Variants in PPIL6 observed in about 807,000 individuals in gnomAD.
The protein encoded by PPIL6 is probable inactive peptidyl-prolyl cis-trans isomerase-like 6.
PPIL6 carries 39 observed loss-of-function variants against 36.8 expected under a neutral mutation model. That is an observed-to-expected ratio of 1.06 (90% CI 0.82 to 1.38). PPIL6 has a LOEUF of 1.38. Among genes scored for constraint, PPIL6 ranks in the 40% most tolerant of loss-of-function variants. The pLI is 0.00. For missense variants in PPIL6, 368 were observed against 379.1 expected (o/e 0.97, Z 0.24); for synonymous variants, 123 against 134.1 (o/e 0.92, Z 0.57).
intron 1 of PPIL6, 108 bp from the exon 2 acceptor site, chr6:109,436,307 C>T: frequency 3.0e-6 from 2 of 658,458 alleles, no homozygotes; most frequent in East Asian, 2.7e-5. Context: ...AACACAAGCC[C>T]AGGCCATGCA....
chr6:109,421,522 A>G (rs1773537074), intron 5 of PPIL6, among the ~76,000 whole-genome samples: 1 of 152,258 alleles, frequency 6.6e-6, no homozygotes, highest in South Asian at 2.1e-4. Context: ...ATGCCCATGC[A>G]GCATCACATG....
intron 6 of PPIL6, among the ~76,000 whole-genome samples, chr6:109,401,728 C>CTT (rs11397016): frequency 1.3e-3 from 190 of 146,016 alleles, no homozygotes; most frequent in Middle Eastern, 3.5e-3. Context: ...GAGAGTTTTT[C>CTT]TTTTTTTTTT....
chr6:109,412,071 A>G (rs1582550217), intron 6 of PPIL6, among the ~76,000 whole-genome samples: 2 of 152,368 alleles, frequency 1.3e-5, no homozygotes, highest in East Asian at 3.9e-4. Flanking sequence ...AGACCTGTCC[A>G]TCAATGTGCC....
At position 109,392,720 on chromosome 6, in the gene PPIL6, G is replaced by T; in HGVS notation, c.*106C>A. 1.4e-6 allele frequency: 1 copy of T among 694,556 alleles called. No homozygotes were observed. The highest frequency in any genetic ancestry group is 2.4e-6 in the Non-Finnish European group (1 of 414,388). 43.0% of individuals were successfully genotyped at this position (694,556 alleles called of 1,614,324 possible). ...GTAGATGAGGCAACCTACAGTGTCT[G>T]CCACGGCTTTCAAATTACAATTTAT... is the stretch of plus-strand genomic sequence containing the variant. On this transcript the variant is annotated 3_prime_UTR_variant, in exon 8 of 8. Coordinates refer to ENST00000521072, the MANE Select transcript of PPIL6 (RefSeq NM_173672.5).
In PPIL6 at chr6:109,440,601, G is replaced by T. The variant is rs952472016; in HGVS notation, c.-11C>A. ...CTGCGGCCTTGCCATGGCCGCGCCC[G>T]GGGACGCCCGGTGACCCCAAACACT... is the stretch of plus-strand genomic sequence containing the variant. On this transcript the variant is annotated 5_prime_UTR_variant, in exon 1 of 8. Coordinates refer to ENST00000521072, the MANE Select transcript of PPIL6 (RefSeq NM_173672.5). 2.3e-6 allele frequency: 3 copies of T among 1,332,722 alleles called. No homozygotes were observed. In the South Asian group the frequency reaches 5.4e-5, roughly 24 times the overall value. The allele number at this position is 1,332,722 out of a possible 1,614,324, so 82.6% of individuals were successfully genotyped here. A position where few individuals can be genotyped will look rare whatever the true frequency, so the allele number is the denominator to read the frequency against.
intron 1 of PPIL6, chr6:109,440,075 T>C: frequency 3.2e-6 from 1 of 317,106 alleles, no homozygotes; most frequent in Non-Finnish European, 6.2e-6. Context: ...ATTAGCTAGT[T>C]ATATAGTAAT....
At chr6:109,435,396 C>T (rs74939699) in intron 2 of PPIL6, among the ~76,000 whole-genome samples, 7,593 of 149,380 alleles carry the variant, frequency 0.051, 350 homozygotes, top group East Asian at 0.2. Flanking sequence ...CTTCTTGGTT[C>T]AAGCGATTCT....
intron 3 of PPIL6, 80 bp from the exon 4 acceptor site, chr6:109,427,236 G>C: frequency 1.2e-6 from 1 of 866,032 alleles, no homozygotes; most frequent in Non-Finnish European, 1.8e-6. Context: ...AAATACAGCA[G>C]ATACAATATT....
intron 5 of PPIL6, among the ~76,000 whole-genome samples, chr6:109,419,809 G>A (rs1239096873): frequency 6.6e-6 from 1 of 151,760 alleles, no homozygotes; most frequent in Admixed American, 6.6e-5. Flanking sequence ...TCCACACTAT[G>A]AAAATATTAC....
chr6:109,423,991 A>G (rs938915752), intron 5 of PPIL6, among the ~76,000 whole-genome samples: 27 of 152,234 alleles, frequency 1.8e-4, no homozygotes, highest in African/African-American at 6.5e-4. Context: ...TTCTGCCCCC[A>G]TGGAATTTAG....
At chr6:109,396,070 C>T (rs540789966) in intron 7 of PPIL6, among the ~76,000 whole-genome samples, 96 of 152,194 alleles carry the variant, frequency 6.3e-4, no homozygotes, top group African/African-American at 2.0e-3. Context: ...CGCTTGACCT[C>T]GTGATCGGCC....
At chr6:109,398,133 A>G (rs1582522889) in intron 7 of PPIL6, among the ~76,000 whole-genome samples, 1 of 152,008 alleles carries the variant, frequency 6.6e-6, no homozygotes, top group African/African-American at 2.4e-5. Flanking sequence ...CTCATGATCT[A>G]CCCGCCTTGG....
intron 6 of PPIL6, among the ~76,000 whole-genome samples, chr6:109,401,016 T>C (rs935858406): frequency 1.5e-4 from 22 of 148,402 alleles, no homozygotes; most frequent in African/African-American, 5.3e-4. Flanking sequence ...CCCGCCACCA[T>C]GCCCGGCTAA....
At chr6:109,414,477 C>CTTTTTT (rs146541023) in intron 6 of PPIL6, among the ~76,000 whole-genome samples, 12 of 86,516 alleles carry the variant, frequency 1.4e-4, no homozygotes, top group East Asian at 3.3e-4. Context: ...TGTCTTTTAG[C>CTTTTTT]TTTTTTTTTT....
intron 6 of PPIL6, among the ~76,000 whole-genome samples, chr6:109,417,205 A>G (rs1773308415): frequency 1.3e-5 from 2 of 151,580 alleles, no homozygotes; most frequent in African/African-American, 4.8e-5. Context: ...AGGTAAAAGT[A>G]TTTCACAAAA....
chr6:109,417,924 C>T (rs928609791), intron 6 of PPIL6, among the ~76,000 whole-genome samples: 3 of 152,184 alleles, frequency 2.0e-5, no homozygotes, highest in Admixed American at 2.0e-4. Flanking sequence ...ATATGCACAT[C>T]GTTTCCTATG....
intron 6 of PPIL6, among the ~76,000 whole-genome samples, chr6:109,406,932 T>G (rs1772820699): frequency 6.6e-6 from 1 of 152,166 alleles, no homozygotes; most frequent in African/African-American, 2.4e-5. Flanking sequence ...CAGTAATCTT[T>G]CAGAAAAGAA....
chr6:109,401,685 A>G (rs1374606549), intron 6 of PPIL6, among the ~76,000 whole-genome samples: 1 of 152,092 alleles, frequency 6.6e-6, no homozygotes, highest in Non-Finnish European at 1.5e-5. Context: ...AGAAAATTGC[A>G]TGAAATGGAA....
Position 109,392,621 on chromosome 6 carries a change from T to G in PPIL6, c.*205A>C, listed in dbSNP as rs1582511692. 2.1e-6 allele frequency: 1 copy of G among 480,026 alleles called. No homozygotes were observed. The highest frequency in any genetic ancestry group is 3.7e-6 in the Non-Finnish European group (1 of 273,596). The allele number at this position is 480,026 out of a possible 1,614,324, so 29.7% of individuals were successfully genotyped here. ...ATGGCCACCCGTGGCTGCAAAGGAG[T>G]CTAGGAAATTGAGTACCACCCTTTC... On this transcript the variant is annotated 3_prime_UTR_variant, in exon 8 of 8. Coordinates refer to ENST00000521072, the MANE Select transcript of PPIL6 (RefSeq NM_173672.5).
Sources: allele counts gnomAD v4.1 joint callset (sites outside exome capture counted in the v4.1 genomes callset), GRCh38; gene constraint gnomAD v4.1.1; transcripts MANE v1.5; gene names NCBI Gene and HGNC (gene_info 2026-07-23, HGNC 2026-07-21).